LEPR: variants seen among roughly 807,000 people sequenced by gnomAD.
LEPR encodes leptin receptor, also known as OB receptor.
In LEPR, 56 loss-of-function variants were observed where a neutral mutation model predicts 114.7. The ratio of observed to expected loss-of-function variants is 0.49; its 90% CI spans 0.39 to 0.61. LEPR has a LOEUF of 0.61. Ranked by LOEUF, LEPR falls within the 20% of genes least tolerant of loss-of-function variation. The pLI, the probability that LEPR is intolerant of heterozygous loss-of-function variation, is 0.00. For missense variants in LEPR, 1,202 were observed against 1,352.9 expected, an observed-to-expected ratio of 0.89 and a Z score of 1.75; for synonymous variants, 443 against 461.4, an observed-to-expected ratio of 0.96 and a Z score of 0.51.
intron 17 of LEPR, among the ~76,000 whole-genome samples, chr1:65,621,032 A>T (rs1657846515): frequency 6.6e-6 from 1 of 152,182 alleles, no homozygotes; most frequent in Non-Finnish European, 1.5e-5. Context: ...CTCCAGGAGT[A>T]GATACTGAGA....
At chr1:65,592,304 A>G (rs1049694890) in intron 5 of LEPR, among the ~76,000 whole-genome samples, 1 of 141,562 alleles carries the variant, frequency 7.1e-6, no homozygotes, top group Non-Finnish European at 1.5e-5. Flanking sequence ...TTATAGTGCA[A>G]GTCTGATGGT....
chr1:65,550,072 G>A (rs1447311552), intron 2 of LEPR, among the ~76,000 whole-genome samples: 1 of 152,216 alleles, frequency 6.6e-6, no homozygotes, highest in Non-Finnish European at 1.5e-5. Context: ...GTTTGCTAGA[G>A]GTCCACTCCA....
At chr1:65,464,451 G>A (rs2209707) in intron 2 of LEPR, among the ~76,000 whole-genome samples, 104,673 of 152,066 alleles carry the variant, frequency 0.69, 37,476 homozygotes, top group African/African-American at 0.84. Flanking sequence ...GGATTTTTGC[G>A]TTGATGTTCA....
chr1:65,452,057 AC>A (rs1416195929), intron 2 of LEPR, among the ~76,000 whole-genome samples: 2 of 151,742 alleles, frequency 1.3e-5, no homozygotes, highest in African/African-American at 4.8e-5. Context: ...ATGGGAGTTC[AC>A]TCATGATTTG....
chr1:65,459,682 A>G (rs1315952976), intron 2 of LEPR, among the ~76,000 whole-genome samples: 1 of 152,226 alleles, frequency 6.6e-6, no homozygotes, highest in African/African-American at 2.4e-5. Flanking sequence ...CTCAAATGTA[A>G]TAAATTAATA....
intron 2 of LEPR, among the ~76,000 whole-genome samples, chr1:65,479,932 A>ACAAG: frequency 6.6e-6 from 1 of 152,120 alleles, no homozygotes; most frequent in African/African-American, 2.4e-5. Context: ...AAACAAACAA[A>ACAAG]CAAACAAACA....
chr1:65,460,831 C>T (rs144708682), intron 2 of LEPR, among the ~76,000 whole-genome samples: 1 of 151,968 alleles, frequency 6.6e-6, no homozygotes, highest in Non-Finnish European at 1.5e-5. Flanking sequence ...GACAGAGTGA[C>T]ACTCTGTCTC....
chr1:65,429,296 A>T lies in LEPR; in HGVS notation c.-21+3918A>T, dbSNP rs182853769. Among the ~76,000 whole-genome samples the T allele has an allele frequency of 3.4e-3, 525 of 152,324 alleles. 1 individual carries two copies. Among genetic ancestry groups the T allele is most frequent in the Middle Eastern group, 0.02 (6 of 294 alleles). On this transcript the variant is annotated intron_variant, in intron 2 of 19. Transcript: ENST00000349533. Reference sequence around the variant, plus strand: ...GCACAGCTAGCGCAAAGGCCCCAGGATAACAGCTATGAGCTCAAGAGTGTT... The same window carrying T: ...GCACAGCTAGCGCAAAGGCCCCAGGTTAACAGCTATGAGCTCAAGAGTGTT...
At chr1:65,510,512 G>C (rs1315473030) in intron 2 of LEPR, among the ~76,000 whole-genome samples, 1 of 152,128 alleles carries the variant, frequency 6.6e-6, no homozygotes, top group Non-Finnish European at 1.5e-5. Flanking sequence ...CCTTCTTTCT[G>C]GACACTGTGC....
At chr1:65,435,782 T>G (rs1029715825) in intron 2 of LEPR, 1 of 981,120 alleles carries the variant, frequency 1.0e-6, no homozygotes, top group African/African-American at 1.7e-5. Context: ...CTGAGAAATA[T>G]TATGTCTGTA....
intron 2 of LEPR, among the ~76,000 whole-genome samples, chr1:65,522,337 G>A (rs573596522): frequency 1.1e-4 from 17 of 152,072 alleles, no homozygotes; most frequent in Non-Finnish European, 1.9e-4. Context: ...AGGTTTACTT[G>A]GAAAATAGTT....
chr1:65,464,061 G>A (rs1646979838), intron 2 of LEPR, among the ~76,000 whole-genome samples: 1 of 152,124 alleles, frequency 6.6e-6, no homozygotes, highest in Non-Finnish European at 1.5e-5. Flanking sequence ...CCAATACTAT[G>A]TTGAATAGGA....
chr1:65,513,788 A>G (rs760221705), intron 2 of LEPR, among the ~76,000 whole-genome samples: 5 of 152,216 alleles, frequency 3.3e-5, no homozygotes, highest in African/African-American at 9.7e-5. Context: ...ATTCTGGCCA[A>G]CTGCTTATTT....
intron 18 of LEPR, among the ~76,000 whole-genome samples, chr1:65,622,022 C>G (rs1657916433): frequency 6.6e-6 from 1 of 152,066 alleles, no homozygotes; most frequent in Admixed American, 6.5e-5. Flanking sequence ...AGCCATTAGG[C>G]TGATGCCCTT....
At chr1:65,435,795 A>T (rs1175140338) in intron 2 of LEPR, 2 of 977,592 alleles carry the variant, frequency 2.0e-6, no homozygotes, top group Non-Finnish European at 2.4e-6. Context: ...TGTCTGTAGT[A>T]GATAAATATT....
chr1:65,421,599 A>T (rs1646252456), intron 1 of LEPR: 2 of 935,416 alleles, frequency 2.1e-6, no homozygotes, highest in Admixed American at 2.2e-5. Flanking sequence ...TAGTATATAT[A>T]CGAGTACGCC....
chr1:65,497,452 AG>A (rs1648223953), intron 2 of LEPR, among the ~76,000 whole-genome samples: 2 of 152,138 alleles, frequency 1.3e-5, no homozygotes. Context: ...AGATTGTTCA[AG>A]GCTAGACACC....
intron 6 of LEPR, 120 bp downstream of exon 6, chr1:65,592,985 T>C (rs1655811784): frequency 9.1e-7 from 1 of 1,098,430 alleles, no homozygotes; most frequent in Middle Eastern, 2.7e-4. Context: ...GTAATGATGG[T>C]AGATGTAGTA....
At chr1:65,517,715 C>T (rs903763584) in intron 2 of LEPR, among the ~76,000 whole-genome samples, 1 of 152,206 alleles carries the variant, frequency 6.6e-6, no homozygotes, top group Non-Finnish European at 1.5e-5. Context: ...ACTCGTCTCC[C>T]ATCAAATCCC....
Sources: allele counts gnomAD v4.1 joint callset (sites outside exome capture counted in the v4.1 genomes callset), GRCh38; gene constraint gnomAD v4.1.1; transcripts MANE v1.5; gene names NCBI Gene and HGNC (gene_info 2026-07-23, HGNC 2026-07-21).